Variants in INTS4 observed in about 807,000 individuals in gnomAD.
INTS4 encodes the protein MSTP093.
Under a neutral mutation model 119.5 loss-of-function variants are expected in INTS4, and 70 were observed. That is an observed-to-expected ratio of 0.59 (90% CI 0.48 to 0.71). The LOEUF is 0.71. INTS4 is among the 30% of genes least tolerant of loss of function. The probability of loss-of-function intolerance (pLI) is 0.00; values close to 1 mark genes in which losing one functional copy is unlikely to be tolerated. For synonymous variants in INTS4, 316 were observed against 419.6 expected, an observed-to-expected ratio of 0.75 and a Z score of 3.02; for missense variants, 867 against 1,173.2, an observed-to-expected ratio of 0.74 and a Z score of 3.81.
intron 1 of INTS4, among the ~76,000 whole-genome samples, chr11:77,993,083 G>A (rs979192340): frequency 5.3e-5 from 8 of 152,146 alleles, no homozygotes; most frequent in Admixed American, 2.6e-4. Context: ...ATTATATAAG[G>A]GAGAGGACAA....
chr11:77,878,962 G>A lies in INTS4; in HGVS notation c.2879C>T (p.Pro960Leu), dbSNP rs751824347. Residue 960 changes from proline (P) to leucine (L), a missense_variant, in exon 23 of 23, where the codon CCT (proline) becomes CTT (leucine). Pro to Leu is a moderately conservative substitution (Grantham distance 98, BLOSUM62 -3). Coordinates refer to ENST00000534064, the MANE Select transcript of INTS4 (RefSeq NM_033547.4). ...KPVKVYIMPK[P>L]ARR ...ACTGTTTTTGCCTTAGCGCCGTGCA[G>A]GTTTGGGCATTATATAAACTTTTAC... 6.2e-6 allele frequency: 10 copies of A among 1,613,822 alleles called. No homozygotes were observed. The Admixed American group carries it at 1.5e-4, about 24-fold the overall frequency.
intron 15 of INTS4, among the ~76,000 whole-genome samples, chr11:77,917,197 G>A (rs1271866538): frequency 6.6e-6 from 1 of 152,130 alleles, no homozygotes; most frequent in East Asian, 1.9e-4. Context: ...TTAGTGTATG[G>A]AATGAAATCA....
chr11:77,922,239 A>T, intron 13 of INTS4, 117 bp downstream of exon 13: 2 of 1,384,902 alleles, frequency 1.4e-6, no homozygotes, highest in Non-Finnish European at 1.9e-6. Flanking sequence ...AAAAAAAAAA[A>T]AAAAAAAGAA....
intron 8 of INTS4, among the ~76,000 whole-genome samples, chr11:77,943,194 C>T (rs1405188384): frequency 1.3e-5 from 2 of 152,124 alleles, no homozygotes; most frequent in African/African-American, 4.8e-5. Flanking sequence ...GCGCGCTCGT[C>T]CAACACAGCA....
At chr11:77,973,914 T>C (rs1025754338) in intron 4 of INTS4, among the ~76,000 whole-genome samples, 1 of 152,214 alleles carries the variant, frequency 6.6e-6, no homozygotes, top group East Asian at 1.9e-4. Flanking sequence ...TTTCTTGTGA[T>C]GTCTTTTGTC....
chr11:77,911,594 C>G (rs902812283), intron 15 of INTS4, among the ~76,000 whole-genome samples: 2 of 152,176 alleles, frequency 1.3e-5, no homozygotes, highest in African/African-American at 4.8e-5. Context: ...ACACAATTAG[C>G]CATAAGAAAT....
In INTS4 at chr11:77,884,136, T is replaced by G. The variant is rs76281352; in HGVS notation, c.2593-184A>C. ...ATTCCCCTAATCCAGCATGAAGCAGTGTTCAGTAAACATTTCCTGAATTCA... is the reference window on the plus strand; with the variant it reads ...ATTCCCCTAATCCAGCATGAAGCAGGGTTCAGTAAACATTTCCTGAATTCA... On this transcript the variant is annotated intron_variant, in intron 21 of 22. Transcript: ENST00000534064. 1.8e-3 allele frequency among the ~76,000 whole-genome samples: 267 copies of G among 152,278 alleles called. 3 individuals are homozygous for G. In the East Asian group the frequency reaches 0.03, roughly 17 times the overall value.
intron 22 of INTS4, among the ~76,000 whole-genome samples, chr11:77,883,075 A>AAATAAT (rs10687244): frequency 0.038 from 5,642 of 148,242 alleles, 204 homozygotes; most frequent in African/African-American, 0.094. Context: ...CTCCGTCTCA[A>AAATAAT]AATAATAATA....
chr11:77,985,371 T>C (rs1486047243), intron 2 of INTS4, among the ~76,000 whole-genome samples: 1 of 152,220 alleles, frequency 6.6e-6, no homozygotes, highest in Non-Finnish European at 1.5e-5. Flanking sequence ...GCATTTCTTC[T>C]AATGTGATAG....
At chr11:77,922,330 G>A (rs1264115762) in intron 13 of INTS4, 26 bp downstream of exon 13, 3 of 1,520,198 alleles carry the variant, frequency 2.0e-6, no homozygotes, top group Non-Finnish European at 2.6e-6. Flanking sequence ...CAACACATCA[G>A]GGCCCATCCT....
At chr11:77,907,943 C>T (rs2136456250) in intron 15 of INTS4, 133 bp from the exon 16 acceptor site, 1 of 589,366 alleles carries the variant, frequency 1.7e-6, no homozygotes, top group African/African-American at 1.9e-5. Context: ...ACACTGAATG[C>T]TGGAGTGGTT....
chr11:77,965,121 T>C (rs1855444289), intron 4 of INTS4, among the ~76,000 whole-genome samples: 1 of 152,176 alleles, frequency 6.6e-6, no homozygotes, highest in African/African-American at 2.4e-5. Flanking sequence ...TGGAGTGTAG[T>C]GGCATGATCA....
At chr11:77,945,609 G>A (rs572957079) in intron 8 of INTS4, among the ~76,000 whole-genome samples, 12 of 152,152 alleles carry the variant, frequency 7.9e-5, no homozygotes, top group Non-Finnish European at 1.5e-4. Context: ...CAGCAAGGAA[G>A]CCATCAAATA....
chr11:77,894,856 T>C (rs1414361612), intron 18 of INTS4, among the ~76,000 whole-genome samples: 1 of 152,230 alleles, frequency 6.6e-6, no homozygotes, highest in African/African-American at 2.4e-5. Context: ...CCTACAGCCA[T>C]TGTATCGGCA....
intron 12 of INTS4, chr11:77,922,808 T>C: frequency 5.6e-6 from 2 of 354,862 alleles, no homozygotes; most frequent in South Asian, 4.4e-5. Flanking sequence ...TGAACCACTA[T>C]TGGTCTAAAC....
At chr11:77,911,125 G>C (rs902884378) in intron 15 of INTS4, 4 of 1,230,558 alleles carry the variant, frequency 3.3e-6, no homozygotes, top group Non-Finnish European at 4.2e-6. Context: ...GATGCCTCCT[G>C]GGGACTTTGA....
At chr11:77,890,454 T>C (rs2136389127) in intron 21 of INTS4, among the ~76,000 whole-genome samples, 1 of 152,142 alleles carries the variant, frequency 6.6e-6, no homozygotes, top group African/African-American at 2.4e-5. Context: ...CCTTGTGCCC[T>C]TCTCCTTTCC....
At chr11:77,980,012 A>C (rs1161033905) in intron 3 of INTS4, among the ~76,000 whole-genome samples, 4 of 151,844 alleles carry the variant, frequency 2.6e-5, no homozygotes, top group Non-Finnish European at 4.4e-5. Context: ...CAGAAAAAAA[A>C]AAAAGTTTTC....
intron 2 of INTS4, among the ~76,000 whole-genome samples, chr11:77,990,442 T>C (rs750527070): frequency 6.6e-6 from 1 of 151,902 alleles, no homozygotes; most frequent in Non-Finnish European, 1.5e-5. Context: ...TCCTAACACT[T>C]TGGGAGGCCA....
Sources: gnomAD v4.1 joint callset for allele counts (sites outside exome capture counted in the v4.1 genomes callset) on GRCh38, gnomAD v4.1.1 for gene constraint, MANE v1.5 for transcripts, NCBI Gene and HGNC (gene_info 2026-07-23, HGNC 2026-07-21) for gene names.